Variants in DPP10 observed in about 807,000 individuals in gnomAD.
DPP10 encodes the protein inactive dipeptidyl peptidase 10.
DPP10 carries 33 observed loss-of-function variants against 120.9 expected under a neutral mutation model. The ratio of observed to expected loss-of-function variants is 0.27; its 90% CI spans 0.21 to 0.37. DPP10 has a LOEUF of 0.37. DPP10 is among the 10% of genes least tolerant of loss of function. The pLI is 1.00. For synonymous variants in DPP10, 337 were observed against 326.1 expected (o/e 1.03, Z -0.36); for missense variants, 816 against 942.8 (o/e 0.87, Z 1.76).
intron 1 of DPP10, among the ~76,000 whole-genome samples, chr2:114,513,005 G>A (rs922213897): frequency 3.3e-5 from 5 of 152,194 alleles, no homozygotes; most frequent in Middle Eastern, 3.4e-3. Flanking sequence ...TTAAAGTGAA[G>A]GAGAAGAAAA....
intron 1 of DPP10, among the ~76,000 whole-genome samples, chr2:114,964,993 C>T (rs1303837628): frequency 3.3e-5 from 5 of 152,092 alleles, no homozygotes; most frequent in Non-Finnish European, 7.4e-5. Flanking sequence ...TAGCTGGAGT[C>T]TTGGGTGAAG....
intron 1 of DPP10, among the ~76,000 whole-genome samples, chr2:115,057,836 T>C (rs1156410117): frequency 6.6e-6 from 1 of 152,178 alleles, no homozygotes; most frequent in East Asian, 1.9e-4. Flanking sequence ...GTTATGTTGG[T>C]CCAATATTGC....
chr2:115,197,919 A>G (rs1315737728), intron 1 of DPP10, among the ~76,000 whole-genome samples: 1 of 152,154 alleles, frequency 6.6e-6, no homozygotes, highest in Non-Finnish European at 1.5e-5. Flanking sequence ...CCAAAGAGCA[A>G]TTTCAGTAAT....
chr2:114,994,867 A>G (rs1218322742), intron 1 of DPP10, among the ~76,000 whole-genome samples: 2 of 152,304 alleles, frequency 1.3e-5, no homozygotes, highest in Non-Finnish European at 1.5e-5. Flanking sequence ...TTTCTGCCTT[A>G]TCAATTCTAA....
chr2:114,587,606 G>A (rs1691113185), intron 1 of DPP10, among the ~76,000 whole-genome samples: 1 of 152,050 alleles, frequency 6.6e-6, no homozygotes, highest in Non-Finnish European at 1.5e-5. Context: ...AGATTCTAAA[G>A]GGGATCATTC....
At chr2:114,763,361 TA>T (rs1484251134) in intron 1 of DPP10, among the ~76,000 whole-genome samples, 16 of 152,220 alleles carry the variant, frequency 1.1e-4, no homozygotes, top group Admixed American at 2.0e-4. Flanking sequence ...TTTTTCCTCT[TA>T]TGGCCTTCAG....
chr2:114,945,359 A>C (rs1195684617), intron 1 of DPP10, among the ~76,000 whole-genome samples: 1 of 152,236 alleles, frequency 6.6e-6, no homozygotes, highest in East Asian at 1.9e-4. Context: ...ATTGTATGCA[A>C]AATATACAAA....
chr2:115,237,740 G>A (rs1574115866), intron 1 of DPP10, among the ~76,000 whole-genome samples: 1 of 152,196 alleles, frequency 6.6e-6, no homozygotes, highest in Non-Finnish European at 1.5e-5. Context: ...TTAATGGTCT[G>A]TATAGATCAG....
chr2:114,657,774 A>G (rs1697075150), intron 1 of DPP10, among the ~76,000 whole-genome samples: 1 of 152,184 alleles, frequency 6.6e-6, no homozygotes, highest in African/African-American at 2.4e-5. Flanking sequence ...TAAGCACAAA[A>G]AATATATTCA....
At chr2:114,540,498 A>G (rs954475031) in intron 1 of DPP10, among the ~76,000 whole-genome samples, 3 of 152,214 alleles carry the variant, frequency 2.0e-5, no homozygotes, top group South Asian at 2.1e-4. Flanking sequence ...AATACTGGCC[A>G]TGGTTTTAAA....
At chr2:115,732,698 T>C (rs1419081865) in intron 8 of DPP10, among the ~76,000 whole-genome samples, 1 of 152,084 alleles carries the variant, frequency 6.6e-6, no homozygotes, top group Non-Finnish European at 1.5e-5. Context: ...ATTTAATCTA[T>C]TAAATAGGAA....
At chr2:115,591,903 A>G (rs1037043840) in intron 5 of DPP10, among the ~76,000 whole-genome samples, 45 of 152,068 alleles carry the variant, frequency 3.0e-4, no homozygotes, top group South Asian at 2.1e-4. Context: ...ATCCTATCCT[A>G]TTTTATTCTC....
In DPP10 at chr2:115,015,908, A is replaced by T. The variant is rs143027896; in HGVS notation, c.61-293331A>T. Among the ~76,000 whole-genome samples the T allele has an allele frequency of 5.2e-4, 79 of 152,318 alleles. 1 individual carries two copies. The East Asian group carries it at 0.012, about 24-fold the overall frequency. On this transcript the variant is annotated intron_variant, in intron 1 of 25. Coordinates refer to ENST00000410059, the MANE Select transcript of DPP10 (RefSeq NM_020868.6). ...ATGGATAGGAAGGGCCAATATTGTGAACATGGCCATACTGCCCAAAGTAAT... is the reference window on the plus strand; with the variant it reads ...ATGGATAGGAAGGGCCAATATTGTGTACATGGCCATACTGCCCAAAGTAAT...
intron 8 of DPP10, among the ~76,000 whole-genome samples, chr2:115,733,768 CTA>C (rs1347203600): frequency 1.3e-5 from 2 of 152,138 alleles, no homozygotes; most frequent in Non-Finnish European, 1.5e-5. Context: ...TGTGTTGTGG[CTA>C]TGTTTTTAAG....
chr2:114,623,366 A>T (rs546983595), intron 1 of DPP10, among the ~76,000 whole-genome samples: 1 of 152,150 alleles, frequency 6.6e-6, no homozygotes, highest in African/African-American at 2.4e-5. Flanking sequence ...AAGATGATAC[A>T]ACTGCCAGCA....
chr2:114,459,119 C>A (rs1466783746), intron 1 of DPP10, among the ~76,000 whole-genome samples: 7 of 152,100 alleles, frequency 4.6e-5, no homozygotes, highest in African/African-American at 1.7e-4. Flanking sequence ...ATGTATAACA[C>A]AAAACGAGCT....
At chr2:115,132,246 T>C (rs1158662815) in intron 1 of DPP10, among the ~76,000 whole-genome samples, 1 of 152,106 alleles carries the variant, frequency 6.6e-6, no homozygotes, top group Non-Finnish European at 1.5e-5. Flanking sequence ...TTCTGTTATG[T>C]AGATGAAGCC....
chr2:115,035,251 C>T (rs1704147460), intron 1 of DPP10, among the ~76,000 whole-genome samples: 1 of 152,184 alleles, frequency 6.6e-6, no homozygotes, highest in Non-Finnish European at 1.5e-5. Flanking sequence ...TTACTCTTTC[C>T]CTACCTAGCT....
At chr2:115,356,103 G>T (rs575580469) in intron 3 of DPP10, among the ~76,000 whole-genome samples, 1 of 152,122 alleles carries the variant, frequency 6.6e-6, no homozygotes, top group Admixed American at 6.5e-5. Flanking sequence ...AAAGTCAATG[G>T]TAGTTTGATG....
Sources: gnomAD v4.1 joint callset for allele counts (sites outside exome capture counted in the v4.1 genomes callset) on GRCh38, gnomAD v4.1.1 for gene constraint, MANE v1.5 for transcripts, NCBI Gene and HGNC (gene_info 2026-07-23, HGNC 2026-07-21) for gene names.